The following ANO4 variants were observed in gnomAD, a reference collection of about 807,000 sequenced individuals.
The protein encoded by ANO4 is anoctamin 4.
In ANO4, 69 loss-of-function variants were observed where a neutral mutation model predicts 141.9. That is an observed-to-expected ratio of 0.49 (90% confidence interval 0.40 to 0.59). The LOEUF is 0.59. Ranked by LOEUF, ANO4 falls within the 20% of genes least tolerant of loss-of-function variation. The probability of loss-of-function intolerance (pLI) is 0.00; values close to 1 mark genes in which losing one functional copy is unlikely to be tolerated. For missense variants in ANO4, 894 were observed against 1,162.2 expected (o/e 0.77, Z 3.36); for synonymous variants, 350 against 394.3 (o/e 0.89, Z 1.33).
chr12:100,851,837 C>T (rs1278578933), intron 1 of ANO4, among the ~76,000 whole-genome samples: 1 of 151,956 alleles, frequency 6.6e-6, no homozygotes, highest in Non-Finnish European at 1.5e-5. Context: ...ACCTGATGCT[C>T]CAAGCAGAGG....
At chr12:101,040,154 A>G (rs905082050) in intron 11 of ANO4, 78 bp downstream of exon 11, 127 of 1,492,058 alleles carry the variant, frequency 8.5e-5, no homozygotes, top group Admixed American at 2.3e-4. Flanking sequence ...CAAGCTCCCA[A>G]TGAAGCAAAA....
chr12:100,893,846 C>T (rs965717902), intron 1 of ANO4, among the ~76,000 whole-genome samples: 3 of 152,052 alleles, frequency 2.0e-5, no homozygotes, highest in African/African-American at 2.4e-5. Context: ...CACTCAGCCT[C>T]AGCAACAGGA....
At chr12:101,081,004 CATAT>C (rs968116677) in intron 15 of ANO4, among the ~76,000 whole-genome samples, 1 of 128,530 alleles carries the variant, frequency 7.8e-6, no homozygotes, top group Non-Finnish European at 1.6e-5. Context: ...AAAAAATATA[CATAT>C]ATATATGTAT....
chr12:100,988,489 A>T (rs1331708870), intron 8 of ANO4, among the ~76,000 whole-genome samples: 1 of 151,320 alleles, frequency 6.6e-6, no homozygotes, highest in Non-Finnish European at 1.5e-5. Context: ...CTCCAGCAGT[A>T]GTGACAGCCT....
chr12:101,091,029 T>C (rs1443899982), intron 17 of ANO4, among the ~76,000 whole-genome samples: 1 of 152,196 alleles, frequency 6.6e-6, no homozygotes, highest in Non-Finnish European at 1.5e-5. Context: ...TTACATCTTT[T>C]GTCTCCCAGA....
intron 2 of ANO4, among the ~76,000 whole-genome samples, chr12:100,735,645 G>A (rs1407547625): frequency 1.3e-5 from 2 of 152,110 alleles, no homozygotes; most frequent in African/African-American, 4.8e-5. Flanking sequence ...GGGGGAGAGG[G>A]ATGGAATTGC....
intron 8 of ANO4, among the ~76,000 whole-genome samples, chr12:101,014,661 A>G (rs1003358912): frequency 6.6e-6 from 1 of 152,122 alleles, no homozygotes; most frequent in African/African-American, 2.4e-5. Context: ...GGCAAATTAC[A>G]TTAGCCCGTC....
rs376231342 is a variant in ANO4, at chr12:101,034,768, C to T, written c.842-2327C>T. Among the ~76,000 whole-genome samples the T allele has an allele frequency of 3.9e-5, 6 of 152,220 alleles. 1 individual carries two copies. The highest frequency in any genetic ancestry group is 1.4e-4 in the African/African-American group (6 of 41,552). On this transcript the variant is annotated intron_variant, in intron 9 of 27. Coordinates refer to ENST00000392977, the MANE Select transcript of ANO4 (RefSeq NM_001286615.2). ...TTATTGAGCATAAGATATGAACAGACATTTCACAAGAGAAGATATACAGAT... is the reference window on the plus strand; with the variant it reads ...TTATTGAGCATAAGATATGAACAGATATTTCACAAGAGAAGATATACAGAT...
chr12:100,779,493 C>T (rs558973832), intron 3 of ANO4, among the ~76,000 whole-genome samples: 12 of 152,314 alleles, frequency 7.9e-5, no homozygotes, highest in African/African-American at 2.6e-4. Context: ...TTGATTCTAC[C>T]ATGGCAGCTG....
At chr12:101,048,983 C>T (rs555142329) in intron 14 of ANO4, among the ~76,000 whole-genome samples, 3 of 152,164 alleles carry the variant, frequency 2.0e-5, no homozygotes, top group Non-Finnish European at 4.4e-5. Flanking sequence ...GTTATTTAAC[C>T]TACCTCTTTG....
At position 101,022,041 on chromosome 12, in the gene ANO4, C is replaced by CAAAAA. The variant is rs34942464; in HGVS notation, c.841+1916_841+1920dup. Among the ~76,000 whole-genome samples, 40 of 76,074 alleles carry CAAAAA rather than the reference C, an allele frequency of 5.3e-4. 2 individuals carry two copies. Among genetic ancestry groups the CAAAAA allele is most frequent in the African/African-American group, 1.5e-3 (36 of 24,436 alleles). The allele number at this position is 76,074 out of a possible 152,430, so 49.9% of individuals were successfully genotyped here. ...TGAGTCACTAGCATAATGACTCTGC[C>CAAAAA]AAAAAAAAAAAAAAAAAAACACCTA... On this transcript the variant is annotated intron_variant, in intron 9 of 27. Coordinates refer to ENST00000392977, the MANE Select transcript of ANO4 (RefSeq NM_001286615.2).
chr12:100,910,529 C>A (rs1261768253), intron 2 of ANO4, among the ~76,000 whole-genome samples: 1 of 151,970 alleles, frequency 6.6e-6, no homozygotes, highest in Non-Finnish European at 1.5e-5. Context: ...TTTCTGCTTC[C>A]TTTATGGACC....
At chr12:100,876,357 G>A (rs77720936) in intron 1 of ANO4, among the ~76,000 whole-genome samples, 1,691 of 151,982 alleles carry the variant, frequency 0.011, 38 homozygotes, top group African/African-American at 0.039. Flanking sequence ...TCCAAGGGTG[G>A]AGTGGGGGAG....
chr12:100,755,433 G>A (rs960909121), intron 3 of ANO4, among the ~76,000 whole-genome samples: 2 of 152,156 alleles, frequency 1.3e-5, no homozygotes, highest in Non-Finnish European at 2.9e-5. Flanking sequence ...GTGTATCTCT[G>A]CCTTGCCAGA....
rs2040033571 is a variant in ANO4, at chr12:100,890,151, C to A, written c.-140-11495C>A. Among the ~76,000 whole-genome samples the A allele has an allele frequency of 2.6e-5, 4 of 151,918 alleles. No homozygotes were observed. In the South Asian group the frequency reaches 8.3e-4, roughly 32 times the overall value. ...GTGTGAAAACATATACTTTTTTTAG[C>A]CCTTATTATGAATATTTGAAGTATG... On this transcript the variant is annotated intron_variant, in intron 1 of 27. Coordinates refer to ENST00000392977, the MANE Select transcript of ANO4 (RefSeq NM_001286615.2).
chr12:101,103,674 T>C (rs2050299892), intron 22 of ANO4, among the ~76,000 whole-genome samples: 1 of 151,894 alleles, frequency 6.6e-6, no homozygotes, highest in African/African-American at 2.4e-5. Flanking sequence ...TATACATTCA[T>C]GGAAGATATT....
chr12:100,963,506 CTG>C (rs144114076), intron 5 of ANO4, among the ~76,000 whole-genome samples: 8 of 150,418 alleles, frequency 5.3e-5, no homozygotes, highest in South Asian at 2.1e-4. Flanking sequence ...GTGTGTGTGT[CTG>C]TGTGTGTGTG....
At chr12:100,738,993 T>C (rs2031732957) in intron 2 of ANO4, among the ~76,000 whole-genome samples, 1 of 147,038 alleles carries the variant, frequency 6.8e-6, no homozygotes, top group Non-Finnish European at 1.5e-5. Flanking sequence ...ACCGGTCCAC[T>C]CTTTGTTTAT....
At chr12:101,029,511 A>C (rs1459009125) in intron 9 of ANO4, among the ~76,000 whole-genome samples, 1 of 152,228 alleles carries the variant, frequency 6.6e-6, no homozygotes, top group Non-Finnish European at 1.5e-5. Flanking sequence ...AAGCAAAAAA[A>C]ATGCAGGGGT....
Sources: gnomAD v4.1 joint callset for allele counts (sites outside exome capture counted in the v4.1 genomes callset) on GRCh38, gnomAD v4.1.1 for gene constraint, MANE v1.5 for transcripts, NCBI Gene and HGNC (gene_info 2026-07-23, HGNC 2026-07-21) for gene names.